PRH1: variants seen among roughly 807,000 people sequenced by gnomAD.
PRH1 encodes proline rich protein HaeIII subfamily 1, also known as salivary acidic proline-rich phosphoprotein 1/2.
A neutral mutation model predicts 7.9 loss-of-function variants in PRH1; 7 were observed. That is an observed-to-expected ratio of 0.89 (90% confidence interval 0.50 to 1.67). The LOEUF is 1.67. PRH1 is among the 40% of genes most tolerant of loss of function. PRH1 has a pLI of 0.00. For synonymous variants in PRH1, 45 were observed against 80.8 expected, an observed-to-expected ratio of 0.56 and a Z score of 2.38; for missense variants, 109 against 223.6, an observed-to-expected ratio of 0.49 and a Z score of 3.27.
intron 1 of PRH1, among the ~76,000 whole-genome samples, chr12:10,984,541 T>C (rs984219923): frequency 6.6e-6 from 1 of 152,132 alleles, no homozygotes; most frequent in Admixed American, 6.5e-5. Context: ...ATTCTATGTG[T>C]TGTCTTTTAG....
chr12:11,059,044 C>G, intron 1 of PRH1, among the ~76,000 whole-genome samples: 1 of 152,162 alleles, frequency 6.6e-6, no homozygotes, highest in Non-Finnish European at 1.5e-5. Context: ...ACAACCTCCA[C>G]CTAGGGACTG....
chr12:10,927,655 C>T (rs1369562494), intron 2 of PRH1, among the ~76,000 whole-genome samples: 1 of 152,208 alleles, frequency 6.6e-6, no homozygotes, highest in African/African-American at 2.4e-5. Context: ...TTCAGAAGGG[C>T]CAGACCAGAC....
At chr12:11,158,326 C>G (rs1947313277) in intron 1 of PRH1, among the ~76,000 whole-genome samples, 1 of 152,086 alleles carries the variant, frequency 6.6e-6, no homozygotes. Flanking sequence ...ACAAACATAT[C>G]CAAGCATTAC....
intron 1 of PRH1, among the ~76,000 whole-genome samples, chr12:11,036,730 T>C (rs999448026): frequency 6.6e-6 from 1 of 152,250 alleles, no homozygotes; most frequent in Admixed American, 6.5e-5. Flanking sequence ...TGTTTACTAT[T>C]GTAACTTTCC....
chr12:11,091,422 T>A lies in PRH1; in HGVS notation n.124-44234A>T, dbSNP rs371611642. ...ATGAATGGGTGGATTGAAGGATAGC[T>A]GAATCTAATAGCTTTGCAGAACATG... is the stretch of plus-strand genomic sequence containing the variant. On this transcript the variant is annotated intron_variant and non_coding_transcript_variant, in intron 1 of 4. Coordinates refer to the PRH1 transcript ENST00000541977. The A allele has an allele frequency of 4.8e-5, 60 of 1,253,190 alleles. 9 individuals are homozygous for A. Among genetic ancestry groups the A allele is most frequent in the Non-Finnish European group, 6.8e-5 (60 of 883,044 alleles). The allele number at this position is 1,253,190 out of a possible 1,614,324, so 77.6% of individuals were successfully genotyped here.
chr12:10,986,549 T>C, intron 1 of PRH1: 1 of 1,614,040 alleles, frequency 6.2e-7, no homozygotes. Flanking sequence ...GCAAATAAAA[T>C]ATGCTGAGGT....
chr12:11,104,300 G>C (rs1439966934), intron 1 of PRH1, among the ~76,000 whole-genome samples: 1 of 150,940 alleles, frequency 6.6e-6, no homozygotes, highest in Non-Finnish European at 1.5e-5. Flanking sequence ...TTGTTATGAT[G>C]ATCACTCATA....
At chr12:10,995,035 T>A (rs747369663) in intron 1 of PRH1, among the ~76,000 whole-genome samples, 1 of 152,206 alleles carries the variant, frequency 6.6e-6, no homozygotes, top group East Asian at 1.9e-4. Flanking sequence ...AATTGTGGAA[T>A]AGCCAAACTT....
intron 1 of PRH1, among the ~76,000 whole-genome samples, chr12:11,139,232 G>C (rs1265856543): frequency 6.6e-6 from 1 of 151,876 alleles, no homozygotes; most frequent in South Asian, 2.1e-4. Flanking sequence ...AACATACAGA[G>C]AGTAATAAAA....
At chr12:11,131,662 C>T (rs1256953623) in intron 1 of PRH1, among the ~76,000 whole-genome samples, 1 of 34,120 alleles carries the variant, frequency 2.9e-5, no homozygotes, top group African/African-American at 5.1e-5. Flanking sequence ...TCTACCTTGT[C>T]GCCAATTCAG....
At chr12:11,059,588 G>T (rs751341329) in intron 1 of PRH1, among the ~76,000 whole-genome samples, 18 of 141,624 alleles carry the variant, frequency 1.3e-4, no homozygotes, top group Non-Finnish European at 2.7e-4. Context: ...TTGTTTATAC[G>T]CTTTCTAAAA....
At chr12:11,077,909 T>G in intron 1 of PRH1, 1 of 993,980 alleles carries the variant, frequency 1.0e-6, no homozygotes, top group East Asian at 2.4e-5. Context: ...TTGGAGAAAT[T>G]GGCAATCTTG....
chr12:10,909,364 C>T (rs1949861394), intron 2 of PRH1: 1 of 1,177,050 alleles, frequency 8.5e-7, no homozygotes, highest in Non-Finnish European at 1.2e-6. Flanking sequence ...AAATGCTATT[C>T]ACATCCTTGA....
At chr12:11,012,399 C>T (rs550380930) in intron 1 of PRH1, among the ~76,000 whole-genome samples, 2 of 152,000 alleles carry the variant, frequency 1.3e-5, no homozygotes, top group Non-Finnish European at 1.5e-5. Context: ...ATGTATAAAA[C>T]GCAGATGATA....
intron 1 of PRH1, among the ~76,000 whole-genome samples, chr12:11,063,388 A>C (rs1338543150): frequency 2.0e-5 from 3 of 152,060 alleles, no homozygotes; most frequent in African/African-American, 7.2e-5. Context: ...TACCATGAGA[A>C]TATCACCTGG....
At chr12:10,996,694 T>C in intron 1 of PRH1, 1 of 288,530 alleles carries the variant, frequency 3.5e-6, no homozygotes. Context: ...ACAGTTTATA[T>C]GAAAAGTTGA....
intron 2 of PRH1, among the ~76,000 whole-genome samples, chr12:10,972,032 T>C (rs1174944650): frequency 6.6e-6 from 1 of 152,202 alleles, no homozygotes; most frequent in Non-Finnish European, 1.5e-5. Flanking sequence ...AAACATTATG[T>C]CAGATCATTT....
intron 1 of PRH1, among the ~76,000 whole-genome samples, chr12:11,149,676 G>A (rs1306110650): frequency 7.1e-6 from 1 of 141,608 alleles, no homozygotes; most frequent in African/African-American, 2.6e-5. Flanking sequence ...ATTCAAGATG[G>A]ATTAAAGACT....
At chr12:11,084,604 C>T (rs1944622244) in intron 1 of PRH1, among the ~76,000 whole-genome samples, 1 of 127,648 alleles carries the variant, frequency 7.8e-6, no homozygotes, top group Non-Finnish European at 1.8e-5. Context: ...AAATAAGTAA[C>T]ATCAGAATAA....
Sources: gnomAD v4.1 joint callset for allele counts (sites outside exome capture counted in the v4.1 genomes callset) on GRCh38, gnomAD v4.1.1 for gene constraint, MANE v1.5 for transcripts, NCBI Gene and HGNC (gene_info 2026-07-23, HGNC 2026-07-21) for gene names.